Variants in NALF1 observed in about 807,000 individuals in gnomAD.
The protein encoded by NALF1 is family with sequence similarity 155 member A.
Under a neutral mutation model 48.4 loss-of-function variants are expected in NALF1, and 3 were observed. That is an observed-to-expected ratio of 0.06 (90% CI 0.03 to 0.16). The LOEUF (loss-of-function observed/expected upper bound fraction) is 0.16. NALF1 is among the 10% of genes least tolerant of loss of function. NALF1 has a pLI of 1.00. For missense variants in NALF1, 526 were observed against 571.5 expected (o/e 0.92, Z 0.81); for synonymous variants, 262 against 245.7 (o/e 1.07, Z -0.62).
At position 107,439,303 on chromosome 13, in the gene NALF1, A is replaced by C. The variant is rs140472238; in HGVS notation, c.916-228548T>G. On this transcript the variant is annotated intron_variant, in intron 1 of 2. Coordinates refer to ENST00000375915, the MANE Select transcript of NALF1 (RefSeq NM_001080396.3). ...GGTTATAACATCTAACGAAAAATAC[A>C]AATCAATTTCCTGGAAGGAAAATGG... Among the ~76,000 whole-genome samples the C allele has an allele frequency of 3.9e-3, 589 of 152,342 alleles. 1 individual carries two copies. The highest frequency in any genetic ancestry group is 0.013 in the African/African-American group (555 of 41,582).
Position 107,231,103 on chromosome 13 carries a change from G to A in NALF1, c.916-20348C>T, listed in dbSNP as rs192731109. ...AAGGAAGAAAAGAAAAAACAAAAAG[G>A]CAGCTATAGCTGTGGTTCTAGATAC... On this transcript the variant is annotated intron_variant, in intron 1 of 2. Coordinates refer to ENST00000375915, the MANE Select transcript of NALF1 (RefSeq NM_001080396.3). Among the ~76,000 whole-genome samples the A allele has an allele frequency of 1.7e-4, 25 of 148,470 alleles. No homozygotes were observed. In the East Asian group the frequency reaches 4.5e-3, roughly 27 times the overall value.
At chr13:107,729,868 T>C (rs1453094651) in intron 1 of NALF1, among the ~76,000 whole-genome samples, 1 of 152,208 alleles carries the variant, frequency 6.6e-6, no homozygotes, top group Non-Finnish European at 1.5e-5. Flanking sequence ...CAGTTAGTTA[T>C]TTATTAGATG....
chr13:107,578,835 A>G (rs1258065776), intron 1 of NALF1, among the ~76,000 whole-genome samples: 2 of 152,062 alleles, frequency 1.3e-5, no homozygotes, highest in Non-Finnish European at 2.9e-5. Flanking sequence ...TTCTTAACTG[A>G]TTTGTATTTC....
At chr13:107,642,301 T>C (rs1471023055) in intron 1 of NALF1, among the ~76,000 whole-genome samples, 1 of 152,194 alleles carries the variant, frequency 6.6e-6, no homozygotes, top group Non-Finnish European at 1.5e-5. Context: ...AGCTAAAATA[T>C]TGGCTATGCC....
intron 1 of NALF1, among the ~76,000 whole-genome samples, chr13:107,448,964 C>A (rs1469561210): frequency 6.6e-6 from 1 of 152,164 alleles, no homozygotes; most frequent in African/African-American, 2.4e-5. Context: ...CACACGACTG[C>A]CAGGTGCAGT....
intron 1 of NALF1, among the ~76,000 whole-genome samples, chr13:107,280,766 T>A (rs1881371518): frequency 6.6e-6 from 1 of 152,180 alleles, no homozygotes; most frequent in African/African-American, 2.4e-5. Context: ...CGAAAAAAAG[T>A]AGTTTGTATC....
intron 1 of NALF1, among the ~76,000 whole-genome samples, chr13:107,211,501 G>A (rs1174922254): frequency 6.6e-6 from 1 of 152,152 alleles, no homozygotes; most frequent in Non-Finnish European, 1.5e-5. Context: ...GAAAGGACTG[G>A]GACTTCATTC....
intron 1 of NALF1, among the ~76,000 whole-genome samples, chr13:107,723,249 G>A (rs1876041155): frequency 6.6e-6 from 1 of 152,104 alleles, no homozygotes; most frequent in African/African-American, 2.4e-5. Flanking sequence ...CTTTTGCCCT[G>A]AGATTCCAAT....
chr13:107,317,734 T>C (rs1050963562), intron 1 of NALF1, among the ~76,000 whole-genome samples: 1 of 151,960 alleles, frequency 6.6e-6, no homozygotes, highest in Non-Finnish European at 1.5e-5. Context: ...AATAATTGAA[T>C]TATAATATCC....
intron 1 of NALF1, among the ~76,000 whole-genome samples, chr13:107,574,031 G>C (rs189894169): frequency 6.6e-6 from 1 of 152,188 alleles, no homozygotes; most frequent in Non-Finnish European, 1.5e-5. Context: ...CAGAATAGTA[G>C]AACATGAAAA....
chr13:107,567,172 C>T (rs530287981), intron 1 of NALF1, among the ~76,000 whole-genome samples: 53 of 152,226 alleles, frequency 3.5e-4, no homozygotes, highest in African/African-American at 1.3e-3. Context: ...TTTTTAAAAA[C>T]TCAGTTTCAT....
chr13:107,671,067 C>G (rs940601813), intron 1 of NALF1, among the ~76,000 whole-genome samples: 3 of 152,038 alleles, frequency 2.0e-5, no homozygotes, highest in Non-Finnish European at 4.4e-5. Flanking sequence ...GTTGTATGTT[C>G]AACTCAAATT....
At chr13:107,497,489 C>G (rs569202478) in intron 1 of NALF1, among the ~76,000 whole-genome samples, 12 of 152,252 alleles carry the variant, frequency 7.9e-5, no homozygotes, top group African/African-American at 2.9e-4. Context: ...CAAATATGGT[C>G]GTGCTGATCA....
At chr13:107,582,998 A>G (rs1333879929) in intron 1 of NALF1, among the ~76,000 whole-genome samples, 3 of 152,124 alleles carry the variant, frequency 2.0e-5, no homozygotes, top group Non-Finnish European at 4.4e-5. Context: ...AGCTTTTGGA[A>G]TCATCCTTTC....
chr13:107,755,944 G>T (rs1877080837), intron 1 of NALF1, among the ~76,000 whole-genome samples: 1 of 152,124 alleles, frequency 6.6e-6, no homozygotes, highest in Non-Finnish European at 1.5e-5. Context: ...AGACAGATGT[G>T]ATAACTAATG....
intron 2 of NALF1, among the ~76,000 whole-genome samples, chr13:107,205,207 TC>T (rs1393824576): frequency 6.6e-5 from 10 of 151,728 alleles, no homozygotes; most frequent in Non-Finnish European, 1.5e-5. Context: ...CCTTCCTGTG[TC>T]CATGTGATCT....
chr13:107,815,317 A>G (rs1466499993), intron 1 of NALF1, among the ~76,000 whole-genome samples: 10 of 149,256 alleles, frequency 6.7e-5, no homozygotes, highest in African/African-American at 2.0e-4. Context: ...TCAGTAACAC[A>G]AGATAAATAA....
chr13:107,205,926 T>G lies in NALF1; in HGVS notation c.1087+4658A>C, dbSNP rs530783494. ...GGGACTCTGGAATGAGGCGAGGGAG[T>G]GTGGAGAGGGAAGCCCACGTAATTA... On this transcript the variant is annotated intron_variant, in intron 2 of 2. Transcript: ENST00000375915. 7.9e-5 allele frequency among the ~76,000 whole-genome samples: 12 copies of G among 151,918 alleles called. No individual in the cohort carries two copies. The East Asian group carries it at 2.4e-3, about 30-fold the overall frequency.
At chr13:107,716,942 T>A (rs1237622764) in intron 1 of NALF1, among the ~76,000 whole-genome samples, 1 of 152,168 alleles carries the variant, frequency 6.6e-6, no homozygotes, top group Admixed American at 6.5e-5. Flanking sequence ...ATGCTGACCT[T>A]GGAAAAACCA....
Sources: gnomAD v4.1 joint callset for allele counts (sites outside exome capture counted in the v4.1 genomes callset) on GRCh38, gnomAD v4.1.1 for gene constraint, MANE v1.5 for transcripts, NCBI Gene and HGNC (gene_info 2026-07-23, HGNC 2026-07-21) for gene names.